CCDC116: variants seen among roughly 807,000 people sequenced by gnomAD.
CCDC116 encodes the protein coiled-coil domain-containing protein 116.
In CCDC116, 24 loss-of-function variants were observed where a neutral mutation model predicts 29.4. The observed-to-expected ratio is 0.82, with a 90% confidence interval of 0.59 to 1.15. CCDC116 has a LOEUF of 1.15. CCDC116 is among the 50% of genes most tolerant of loss of function. The pLI is 0.00. For missense variants in CCDC116, 791 were observed against 804.0 expected (o/e 0.98, Z 0.20); for synonymous variants, 298 against 331.4 (o/e 0.90, Z 1.10).
In CCDC116 at chr22:21,634,146, A is replaced by G; in HGVS notation, c.197A>G (p.His66Arg). ...ALQGQRRNKR[H>R]PQPFGHFLDF... ...CAGGGCCAACGCCGAAACAAGAGGC[A>G]CCCTCAGCCCTTTGGCCACTTTCTG... The change falls in exon 3 of 5, where the codon CAC becomes CGC. Residue 66 changes from histidine to arginine, a missense_variant. Transcript: ENST00000292779. 6.2e-7 allele frequency: 1 copy of G among 1,614,244 alleles called. No individual in the cohort carries two copies. Among genetic ancestry groups the G allele is most frequent in the Non-Finnish European group, 8.5e-7 (1 of 1,180,040 alleles).
chr22:21,636,614 C>T lies in CCDC116; in HGVS notation c.1386C>T (p.Gly462=), dbSNP rs1313775491. Residue 462 remains glycine, a synonymous_variant, in exon 5 of 5, where the codon GGC becomes GGT. Coordinates refer to ENST00000292779, the MANE Select transcript of CCDC116 (RefSeq NM_152612.3). The stretch of plus-strand genomic sequence containing the variant: ...AAAAGGACCTCAGTAAGCAGCTGGG[C>T]TTCTTCTCCTTCCCCATCACCCACG... ...EFEKDLSKQL[G]FFSFPITHVL... The T allele has an allele frequency of 6.2e-7, 1 of 1,614,166 alleles. No individual in the cohort carries two copies. Among genetic ancestry groups the T allele is most frequent in the Admixed American group, 1.7e-5 (1 of 60,022 alleles).
Position 21,634,329 on chromosome 22 carries a change from G to A in CCDC116, c.380G>A (p.Arg127Gln), listed in dbSNP as rs748163397. The part of the protein sequence containing the change: ...VPSGGRRAHA[R>Q]PSLSTVHRHR... ...AGTGGTGGACGGCGGGCACATGCCC[G>A]GCCCAGCCTCAGCACCGTACACCGG... is the stretch of plus-strand genomic sequence containing the variant. Residue 127 changes from arginine to glutamine, a missense_variant, in exon 3 of 5, where the codon CGG (arginine) becomes CAG (glutamine). By Grantham distance (43) the Arg-to-Gln change is conservative. Coordinates refer to ENST00000292779, the MANE Select transcript of CCDC116 (RefSeq NM_152612.3). 43 of 1,612,346 alleles carry A rather than the reference G, an allele frequency of 2.7e-5. No homozygotes were observed. The highest frequency in any genetic ancestry group is 9.3e-5 in the African/African-American group (7 of 74,914).
In CCDC116 at chr22:21,634,468, C is replaced by G. The variant is rs1268939280; in HGVS notation, c.519C>G (p.Ser173Arg). 1.2e-6 allele frequency: 2 copies of G among 1,614,068 alleles called. No homozygotes were observed. The highest frequency in any genetic ancestry group is 1.7e-6 in the Non-Finnish European group (2 of 1,180,040). ...TGGCCGGCTGTCTGGGCTCCCACAG[C>G]CGGGACAGTGACCTAGGTGCCCAAG... is the stretch of plus-strand genomic sequence containing the variant. ...SLMAGCLGSH[S>R]RDSDLGAQGS... The change falls in exon 3 of 5, where the codon AGC becomes AGG. Residue 173 changes from serine to arginine, a missense_variant. Ser to Arg is a moderately radical substitution (Grantham distance 110). Coordinates refer to ENST00000292779, the MANE Select transcript of CCDC116 (RefSeq NM_152612.3).
In CCDC116 at chr22:21,636,878, G is replaced by C; in HGVS notation, c.1650G>C (p.Leu550Phe). The C allele has an allele frequency of 6.2e-7, 1 of 1,613,604 alleles. No homozygotes were observed. Residue 550 changes from leucine (L) to phenylalanine (F), a missense_variant, in exon 5 of 5, where the codon TTG (leucine) becomes TTC (phenylalanine). Transcript: ENST00000292779. ...CCTGCCGCTCCCTCTACACCAACTT[G>C]CCAGCCAGCCGGCAGCTCAGCCCTT... is the stretch of plus-strand genomic sequence containing the variant. ...TEPCRSLYTN[L>F]PASRQLSPLE...
chr22:21,635,524 C>G, intron 4 of CCDC116: 1 of 703,160 alleles, frequency 1.4e-6, no homozygotes, highest in Non-Finnish European at 2.6e-6. Flanking sequence ...GCTACCTTCT[C>G]CCTGAGCTCT....
At position 21,633,007 on chromosome 22, in the gene CCDC116, G is replaced by A. The variant is rs771595725; in HGVS notation, c.-62-113G>A. ...GCATGGGGGCCATGGAGCAGAGGAA[G>A]GGCTGGATGCATGAAGGAGGCGGGG... On this transcript the variant is annotated intron_variant, in intron 1 of 4. Coordinates refer to ENST00000292779, the MANE Select transcript of CCDC116 (RefSeq NM_152612.3). 25 of 715,798 alleles carry A rather than the reference G, an allele frequency of 3.5e-5. No homozygotes were observed. The South Asian group carries it at 3.6e-4, about 10-fold the overall frequency. The allele number at this position is 715,798 out of a possible 1,614,324, so 44.3% of individuals were successfully genotyped here.
rs148692511 is a variant in CCDC116, at chr22:21,636,463, A to G, written c.1235A>G (p.Lys412Arg). 1,887 of 1,613,674 alleles carry G rather than the reference A, an allele frequency of 1.2e-3. 20 individuals are homozygous for G. In the African/African-American group the frequency reaches 0.022, roughly 19 times the overall value. ...TGCAGCAGCAGCAGGTTCACGAAGAAGAAGCCGCTGCCCTCCATCTCGTCG... is the reference window on the plus strand; with the variant it reads ...TGCAGCAGCAGCAGGTTCACGAAGAGGAAGCCGCTGCCCTCCATCTCGTCG... Reference protein sequence around the residue: ...SPCSSSRFTKKKPLPSISSKS... With the variant: ...SPCSSSRFTKRKPLPSISSKS... Residue 412 changes from lysine (K) to arginine (R), a missense_variant, in exon 5 of 5, where the codon AAG (lysine) becomes AGG (arginine). Transcript: ENST00000292779.
At chr22:21,635,871 T>C in intron 4 of CCDC116, 6 of 510,976 alleles carry the variant, frequency 1.2e-5, no homozygotes. Flanking sequence ...CCGTCCCTTG[T>C]GGACAGCAGC....
In CCDC116 at chr22:21,633,195, GCCA is replaced by G. The variant is rs1930623568; in HGVS notation, c.19_21del (p.His7del). 6.5e-7 allele frequency: 1 copy of G among 1,550,250 alleles called. No individual in the cohort carries two copies. The highest frequency in any genetic ancestry group is 1.4e-5 in the African/African-American group (1 of 72,994). On this transcript the variant is annotated inframe_deletion, in exon 2 of 5. Coordinates refer to ENST00000292779, the MANE Select transcript of CCDC116 (RefSeq NM_152612.3). The stretch of plus-strand genomic sequence containing the variant: ...CCAGGTGACCACATGGCCAGGTGCC[GCCA>G]CCACTCGGGTTACCTGGCCGATGAC...
rs368886870 is a variant in CCDC116 at position 21,634,059 on chromosome 22, G to A, written c.110G>A (p.Arg37Gln). Residue 37 changes from arginine to glutamine, a missense_variant, in exon 3 of 5, where the codon CGG becomes CAG. Transcript: ENST00000292779. ...LPKKPLVPEM[R>Q]PACKPGRVPH... ...AAGAAGCCACTGGTCCCAGAAATGC[G>A]GCCAGCCTGCAAGCCGGGCCGTGTG... 20 of 1,612,640 alleles carry A rather than the reference G, an allele frequency of 1.2e-5. No individual in the cohort carries two copies. The highest frequency in any genetic ancestry group is 1.7e-4 in the Middle Eastern group (1 of 5,996).
At position 21,633,272 on chromosome 22, in the gene CCDC116, G is replaced by C. The variant is rs1394164776; in HGVS notation, c.72+19G>C. On this transcript the variant is annotated intron_variant, in intron 2 of 4. Coordinates refer to ENST00000292779, the MANE Select transcript of CCDC116 (RefSeq NM_152612.3). ...TGCACGGGTAAGTGTGCCCAGCAGG[G>C]CGCCGACCCTTGAGGCCACAACATG... The C allele has an allele frequency of 2.6e-6, 4 of 1,533,834 alleles. No individual in the cohort carries two copies. The highest frequency in any genetic ancestry group is 3.5e-6 in the Non-Finnish European group (4 of 1,134,330).
At position 21,636,958 on chromosome 22, in the gene CCDC116, A is replaced by G. The variant is rs1479218120; in HGVS notation, c.1730A>G (p.Lys577Arg). Reference sequence around the variant, plus strand: ...ACCGGCATGGGTTCCAGTCCCCCCAAGTCCAAGGACATGGACAATGAGGGC... The same window carrying G: ...ACCGGCATGGGTTCCAGTCCCCCCAGGTCCAAGGACATGGACAATGAGGGC... ...ACTGMGSSPP[K>R]SKDMDNEGRD... Residue 577 changes from lysine to arginine, a missense_variant, in exon 5 of 5, where the codon AAG (lysine) becomes AGG (arginine). Coordinates refer to ENST00000292779, the MANE Select transcript of CCDC116 (RefSeq NM_152612.3). 2.5e-6 allele frequency: 4 copies of G among 1,613,848 alleles called. No individual in the cohort carries two copies. Among genetic ancestry groups the G allele is most frequent in the South Asian group, 1.1e-5 (1 of 91,084 alleles).
Position 21,634,197 on chromosome 22 carries a change from T to C in CCDC116, c.248T>C (p.Leu83Pro). ...GATTTCCTAACTGAGAGCCAGGTCC[T>C]GGACAGCCTGGAGACAGTGGTGGAG... ...FLDFLTESQV[L>P]DSLETVVEKA... is the part of the protein sequence containing the mutation. Residue 83 changes from leucine to proline, a missense_variant, in exon 3 of 5, where the codon CTG becomes CCG. Coordinates refer to ENST00000292779, the MANE Select transcript of CCDC116 (RefSeq NM_152612.3). The C allele has an allele frequency of 6.2e-7, 1 of 1,614,256 alleles. No homozygotes were observed. The highest frequency in any genetic ancestry group is 8.5e-7 in the Non-Finnish European group (1 of 1,180,046).
rs201225266 is a variant in CCDC116 at position 21,634,041 on chromosome 22, C to G, written c.92C>G (p.Pro31Arg). 3.2e-5 allele frequency: 51 copies of G among 1,609,552 alleles called. No homozygotes were observed. The highest frequency in any genetic ancestry group is 4.0e-5 in the Non-Finnish European group (47 of 1,177,602). ...GCTCAGGTGCAGCTGCCCAAGAAGC[C>G]ACTGGTCCCAGAAATGCGGCCAGCC... is the stretch of plus-strand genomic sequence containing the variant. ...CSARVQLPKK[P>R]LVPEMRPACK... The change falls in exon 3 of 5, where the codon CCA becomes CGA. Residue 31 changes from proline (P) to arginine (R), a missense_variant. Coordinates refer to ENST00000292779, the MANE Select transcript of CCDC116 (RefSeq NM_152612.3).
rs1930712958 is a variant in CCDC116 at position 21,634,793 on chromosome 22, G to T, written c.730G>T (p.Gly244Trp). 6.2e-7 allele frequency: 1 copy of T among 1,613,880 alleles called. No individual in the cohort carries two copies. Among genetic ancestry groups the T allele is most frequent in the Non-Finnish European group, 8.5e-7 (1 of 1,180,026 alleles). Residue 244 changes from glycine to tryptophan, a missense_variant, in exon 4 of 5, where the codon GGG becomes TGG. Gly to Trp is a radical substitution (Grantham distance 184, BLOSUM62 -2). Coordinates refer to ENST00000292779, the MANE Select transcript of CCDC116 (RefSeq NM_152612.3). ...GGAGCAGCCCTTGTCCTGGTTCTCA[G>T]GGCTGCTGGGCTCAAGCTCTGGCGT... ...TQEQPLSWFSGLLGSSSGVPE... is the reference protein window; with the variant it reads ...TQEQPLSWFSWLLGSSSGVPE...
rs1403676805 is a variant in CCDC116, at chr22:21,635,155, T to C, written c.1092T>C (p.Ala364=). 6.2e-7 allele frequency: 1 copy of C among 1,602,130 alleles called. No individual in the cohort carries two copies. The highest frequency in any genetic ancestry group is 1.1e-5 in the South Asian group (1 of 91,056). ...AKPTNGGQPY[A]SPRPTVSSPK... ...CCACCAATGGCGGGCAGCCCTATGC[T>C]TCCCCCCGCCCCACAGTCTCCAGCC... is the stretch of plus-strand genomic sequence containing the variant. Residue 364 remains alanine (A), a synonymous_variant, in exon 4 of 5, where the codon GCT becomes GCC. Coordinates refer to ENST00000292779, the MANE Select transcript of CCDC116 (RefSeq NM_152612.3).
chr22:21,635,891 G>T, intron 4 of CCDC116: 2 of 474,054 alleles, frequency 4.2e-6, no homozygotes, highest in South Asian at 5.6e-5. Flanking sequence ...CCCAAGCCCA[G>T]CCGGGGCCTT....
rs1416728729 is a variant in CCDC116, at chr22:21,634,494, G to A, written c.545G>A (p.Gly182Asp). Residue 182 changes from glycine (G) to aspartate (D), a missense_variant, in exon 3 of 5, where the codon GGC becomes GAC. Transcript: ENST00000292779. ...CGGGACAGTGACCTAGGTGCCCAAG[G>A]CTCATTGCCACCTGTGAGGGACAAA... ...HSRDSDLGAQ[G>D]SLPPVRDKLL... 1.9e-6 allele frequency: 3 copies of A among 1,614,074 alleles called. No individual in the cohort carries two copies. Among genetic ancestry groups the A allele is most frequent in the Non-Finnish European group, 2.5e-6 (3 of 1,179,948 alleles).
In CCDC116 at chr22:21,636,753, C is replaced by T. The variant is rs756607786; in HGVS notation, c.1525C>T (p.Arg509Trp). ...LRKLEESKRA[R>W]QASRLSTSHC... ...TAAACTGGAGGAGTCCAAAAGGGCC[C>T]GGCAGGCCTCCCGGCTCAGCACCTC... The change falls in exon 5 of 5, where the codon CGG becomes TGG. Residue 509 changes from arginine (R) to tryptophan (W), a missense_variant. Physicochemically the swap from Arg to Trp is moderately radical, Grantham distance 101. Coordinates refer to ENST00000292779, the MANE Select transcript of CCDC116 (RefSeq NM_152612.3). 150 of 1,612,690 alleles carry T rather than the reference C, an allele frequency of 9.3e-5. No homozygotes were observed. The highest frequency in any genetic ancestry group is 1.2e-4 in the Non-Finnish European group (146 of 1,179,998).
Sources: gnomAD v4.1 joint callset for allele counts on GRCh38, gnomAD v4.1.1 for gene constraint, MANE v1.5 for transcripts, NCBI Gene and HGNC (gene_info 2026-07-23, HGNC 2026-07-21) for gene names.